Variants in NINL observed in about 807,000 individuals in gnomAD.
NINL encodes ninein-like protein.
Under a neutral mutation model 160.3 loss-of-function variants are expected in NINL, and 153 were observed. That is an observed-to-expected ratio of 0.95 (90% CI 0.84 to 1.09). NINL has a LOEUF of 1.09. Among genes scored for constraint, NINL ranks in the 50% least tolerant of loss-of-function variants. The pLI, the probability that NINL is intolerant of heterozygous loss-of-function variation, is 0.00. For missense variants in NINL, 1,829 were observed against 1,764.0 expected (o/e 1.04, Z -0.66); for synonymous variants, 800 against 734.8 (o/e 1.09, Z -1.43).
intron 1 of NINL, among the ~76,000 whole-genome samples, chr20:25,539,858 G>T (rs1222806985): frequency 2.0e-5 from 3 of 152,228 alleles, no homozygotes; most frequent in Admixed American, 2.0e-4. Context: ...GACCCACGGG[G>T]CGGAGGAAAG....
chr20:25,515,486 T>C (rs1205799854), intron 3 of NINL, among the ~76,000 whole-genome samples: 2 of 152,202 alleles, frequency 1.3e-5, no homozygotes, highest in African/African-American at 2.4e-5. Context: ...TTTGAGTTAA[T>C]GCTGGAATGA....
Position 25,496,667 on chromosome 20 carries a change from T to G in NINL, c.1306A>C (p.Ile436Leu), listed in dbSNP as rs1474488308. ...STLEQLTEKK[I>L]KHLEQGYRER... ...CCACCTGGGCCCAGAACCCACTTGA[T>G]TTTCTTCTCCGTGAGCTGCTCCAGG... The change falls in exon 10 of 24, where the codon ATC becomes CTC. Residue 436 changes from isoleucine (I) to leucine (L), a missense_variant. Coordinates refer to ENST00000278886, the MANE Select transcript of NINL (RefSeq NM_025176.6). 2 of 1,613,982 alleles carry G rather than the reference T, an allele frequency of 1.2e-6. No homozygotes were observed. Among genetic ancestry groups the G allele is most frequent in the Admixed American group, 1.7e-5 (1 of 60,018 alleles).
chr20:25,531,055 G>A (rs1046062581), intron 1 of NINL, among the ~76,000 whole-genome samples: 2 of 152,134 alleles, frequency 1.3e-5, no homozygotes, highest in Non-Finnish European at 2.9e-5. Context: ...GCACTCAAGG[G>A]GGCCATTTTA....
chr20:25,462,249 T>C (rs774011568), intron 20 of NINL, 134 bp downstream of exon 20: 4 of 770,116 alleles, frequency 5.2e-6, no homozygotes, highest in African/African-American at 3.6e-5. Flanking sequence ...GTCCACCTAC[T>C]TCTCCAAGGC....
At chr20:25,461,486 C>A in intron 21 of NINL, 36 bp downstream of exon 21, 1 of 1,305,348 alleles carries the variant, frequency 7.7e-7, no homozygotes, top group Non-Finnish European at 1.1e-6. Context: ...CCAGGTGGGA[C>A]TGGACCCAGT....
chr20:25,457,143 G>C (rs2090706935), intron 22 of NINL, among the ~76,000 whole-genome samples: 2 of 151,932 alleles, frequency 1.3e-5, no homozygotes, highest in Admixed American at 1.3e-4. Flanking sequence ...GGCCAACACG[G>C]TGAAACCCCA....
intron 3 of NINL, among the ~76,000 whole-genome samples, chr20:25,515,516 T>C (rs1199580306): frequency 6.6e-6 from 1 of 152,140 alleles, no homozygotes; most frequent in Non-Finnish European, 1.5e-5. Context: ...CTGGGAGACT[T>C]GTTACAAGGC....
rs373635867 is a variant in NINL at position 25,462,486 on chromosome 20, C to G, written c.3479G>C (p.Gly1160Ala). The G allele has an allele frequency of 1.9e-6, 3 of 1,614,024 alleles. No individual in the cohort carries two copies. The African/African-American group carries it at 4.0e-5, about 22-fold the overall frequency. ...GGCCTGGTGGGTAGAAGCCTCCTGT[C>G]CCAGTTGAAGAACCCTGACATTGAG... ...SQLNVRVLQLGQEASTHQAQN... is the reference protein window; with the variant it reads ...SQLNVRVLQLAQEASTHQAQN... The change falls in exon 20 of 24, where the codon GGA becomes GCA. Residue 1160 changes from glycine (G) to alanine (A), a missense_variant. Gly to Ala is a moderately conservative substitution (Grantham distance 60, BLOSUM62 0). Transcript: ENST00000278886.
At chr20:25,515,853 C>T (rs1432881595) in intron 3 of NINL, among the ~76,000 whole-genome samples, 1 of 152,144 alleles carries the variant, frequency 6.6e-6, no homozygotes, top group Non-Finnish European at 1.5e-5. Context: ...TCACTGCAAG[C>T]TCCACGTCCC....
chr20:25,477,708 G>A (rs536920360), intron 16 of NINL, among the ~76,000 whole-genome samples: 67 of 152,338 alleles, frequency 4.4e-4, no homozygotes, highest in African/African-American at 1.6e-3. Context: ...GCCCTGCAGA[G>A]CGGGGACAGC....
intron 12 of NINL, 115 bp from the exon 13 acceptor site, chr20:25,489,439 A>G (rs2063574564): frequency 2.5e-6 from 2 of 800,104 alleles, no homozygotes; most frequent in Non-Finnish European, 4.3e-6. Context: ...CAGGCGCTGC[A>G]TCTCCAGGTA....
chr20:25,455,760 G>C lies in NINL; in HGVS notation c.3870C>G (p.Ala1290=). The change falls in exon 23 of 24, where the codon GCC becomes GCG. Residue 1290 remains alanine (A), a synonymous_variant. Transcript: ENST00000278886. ...QREEHEKQLK[A]TEERVEEAEM... is the part of the protein sequence containing the mutation. ...CCGCCTCTTCCACCCGCTCTTCTGT[G>C]GCTTTCAGCTGTTTCTCATGTTCTT... 1 of 1,614,110 alleles carries C rather than the reference G, an allele frequency of 6.2e-7. No individual in the cohort carries two copies. The highest frequency in any genetic ancestry group is 1.1e-5 in the South Asian group (1 of 91,086).
rs1053190464 is a variant in NINL at position 25,539,048 on chromosome 20, C to A, written c.-11-12450G>T. ...ACTGGTGGGCACTTGATAAATGTTACCAAAACGTACACTAACATGGGCAGG... is the reference window on the plus strand; with the variant it reads ...ACTGGTGGGCACTTGATAAATGTTAACAAAACGTACACTAACATGGGCAGG... On this transcript the variant is annotated intron_variant, in intron 1 of 23. Coordinates refer to ENST00000278886, the MANE Select transcript of NINL (RefSeq NM_025176.6). 4.6e-5 allele frequency among the ~76,000 whole-genome samples: 7 copies of A among 152,152 alleles called. No individual in the cohort carries two copies. In the East Asian group the frequency reaches 1.3e-3, roughly 29 times the overall value.
chr20:25,508,192 G>A (rs528429969), intron 5 of NINL, among the ~76,000 whole-genome samples: 1 of 152,346 alleles, frequency 6.6e-6, no homozygotes, highest in South Asian at 2.1e-4. Flanking sequence ...TGAGACAAAA[G>A]TTGAACAAAA....
chr20:25,542,948 G>A (rs565745923), intron 1 of NINL, among the ~76,000 whole-genome samples: 4 of 148,710 alleles, frequency 2.7e-5, no homozygotes, highest in East Asian at 4.0e-4. Flanking sequence ...GCCAAGGCAC[G>A]AGAATTGCTT....
intron 2 of NINL, among the ~76,000 whole-genome samples, chr20:25,519,577 A>G (rs1455815320): frequency 6.6e-6 from 1 of 152,244 alleles, no homozygotes; most frequent in African/African-American, 2.4e-5. Flanking sequence ...AATAGTGGAA[A>G]TGACTCTGCT....
Position 25,559,676 on chromosome 20 carries a change from T to C in NINL, c.-12+25779A>G, listed in dbSNP as rs141170889. Among the ~76,000 whole-genome samples, 38 of 151,242 alleles carry C rather than the reference T, an allele frequency of 2.5e-4. No homozygotes were observed. The South Asian group carries it at 3.6e-3, about 14-fold the overall frequency. On this transcript the variant is annotated intron_variant, in intron 1 of 23. Coordinates refer to ENST00000278886, the MANE Select transcript of NINL (RefSeq NM_025176.6). ...AGTGCAATGGCCCCATCAGAGCTAATTGCAGCCTTGAACTCCTGGGCTCAA... is the reference window on the plus strand; with the variant it reads ...AGTGCAATGGCCCCATCAGAGCTAACTGCAGCCTTGAACTCCTGGGCTCAA...
In NINL at chr20:25,501,016, T is replaced by A. The variant is rs774450468; in HGVS notation, c.862-6A>T. 5.6e-6 allele frequency: 9 copies of A among 1,613,402 alleles called. No homozygotes were observed. In the South Asian group the frequency reaches 9.9e-5, roughly 18 times the overall value. The stretch of plus-strand genomic sequence containing the variant: ...CAGCCGCTCTCCTCTGGGACCTGCA[T>A]GTCAGGAAGACTTCCATAGCGCCCA... On this transcript the variant is annotated splice_polypyrimidine_tract_variant and splice_region_variant and intron_variant, in intron 7 of 23. Coordinates refer to ENST00000278886, the MANE Select transcript of NINL (RefSeq NM_025176.6).
At chr20:25,517,464 G>A (rs1053646318) in intron 3 of NINL, among the ~76,000 whole-genome samples, 1 of 152,190 alleles carries the variant, frequency 6.6e-6, no homozygotes, top group Non-Finnish European at 1.5e-5. Flanking sequence ...GACATAGCCT[G>A]TGTCCCAGCA....
Sources: gnomAD v4.1 joint callset for allele counts (sites outside exome capture counted in the v4.1 genomes callset) on GRCh38, gnomAD v4.1.1 for gene constraint, MANE v1.5 for transcripts, NCBI Gene and HGNC (gene_info 2026-07-23, HGNC 2026-07-21) for gene names.